Variants in ACYP2 observed in about 807,000 individuals in gnomAD.
The protein encoded by ACYP2 is acylphosphatase-2.
A neutral mutation model predicts 11.2 loss-of-function variants in ACYP2; 12 were observed. The ratio of observed to expected loss-of-function variants is 1.08; its 90% CI spans 0.69 to 1.74. ACYP2 has a LOEUF of 1.74. Ranked by LOEUF, ACYP2 falls within the 40% of genes most tolerant of loss-of-function variation. The pLI, the probability that ACYP2 is intolerant of heterozygous loss-of-function variation, is 0.00. For synonymous variants in ACYP2, 43 were observed against 32.2 expected (o/e 1.33, Z -1.13); for missense variants, 134 against 101.9 (o/e 1.31, Z -1.35).
intron 6 of ACYP2, among the ~76,000 whole-genome samples, chr2:54,192,311 G>C (rs1238558163): frequency 1.3e-5 from 2 of 152,074 alleles, no homozygotes; most frequent in Non-Finnish European, 2.9e-5. Flanking sequence ...GTAGAAGAGA[G>C]TTTTAAAATT....
chr2:53,973,334 A>G (rs76117152), intron 1 of ACYP2, among the ~76,000 whole-genome samples: 3,809 of 152,270 alleles, frequency 0.025, 154 homozygotes, highest in African/African-American at 0.088. Context: ...CCGGAAAGAG[A>G]TGAGTGTCAG....
In ACYP2 at chr2:54,027,837, C is replaced by CTTTCTT. The variant is rs772573473; in HGVS notation, c.63-23118_63-23117insCTTTTT. On this transcript the variant is annotated intron_variant, in intron 2 of 6. Coordinates refer to ENST00000607452, the MANE Select transcript of ACYP2 (RefSeq NM_001320586.2). Reference sequence around the variant, plus strand: ...AGTCATCATGTTTCTTTCTTTCTTTCTTTTTTTTTTTTTTTTTTTTGAGAC... The same window carrying CTTTCTT: ...AGTCATCATGTTTCTTTCTTTCTTTCTTTCTTTTTTTTTTTTTTTTTTTTTTGAGAC... 6.8e-3 allele frequency among the ~76,000 whole-genome samples: 663 copies of CTTTCTT among 97,960 alleles called. 16 individuals are homozygous for CTTTCTT. The highest frequency in any genetic ancestry group is 0.026 in the African/African-American group (625 of 24,166). The allele number at this position is 97,960 out of a possible 152,430, so 64.3% of individuals were successfully genotyped here.
intron 4 of ACYP2, among the ~76,000 whole-genome samples, chr2:54,067,570 G>T (rs1676810669): frequency 6.6e-6 from 1 of 152,186 alleles, no homozygotes; most frequent in South Asian, 2.1e-4. Context: ...ATTGTTATCT[G>T]CTAGGGAAAA....
At chr2:54,198,036 T>TGTATTGTATTGTATTG in intron 6 of ACYP2, among the ~76,000 whole-genome samples, 2 of 144,042 alleles carry the variant, frequency 1.4e-5, no homozygotes, top group East Asian at 4.0e-4. Flanking sequence ...TGTATTGTAT[T>TGTATTGTATTGTATTG]TTAAGACAGT....
At chr2:54,216,285 G>A (rs1685556298) in intron 6 of ACYP2, among the ~76,000 whole-genome samples, 1 of 152,076 alleles carries the variant, frequency 6.6e-6, no homozygotes, top group African/African-American at 2.4e-5. Flanking sequence ...ATATGCTTCA[G>A]TTGATGTCTG....
intron 6 of ACYP2, among the ~76,000 whole-genome samples, chr2:54,185,764 A>G (rs1053759902): frequency 1.3e-5 from 2 of 152,194 alleles, no homozygotes; most frequent in African/African-American, 4.8e-5. Flanking sequence ...TATGCAGATT[A>G]AAGGATTAAA....
At chr2:54,115,433 C>T in intron 4 of ACYP2, 182 bp from the exon 1 acceptor site, 1 of 763,818 alleles carries the variant, frequency 1.3e-6, no homozygotes, top group Non-Finnish European at 2.0e-6. Flanking sequence ...GTGGAGACAG[C>T]ATCCTCCCCA....
chr2:54,267,373 G>T, intron 6 of ACYP2: 1 of 1,540,640 alleles, frequency 6.5e-7, no homozygotes, highest in Non-Finnish European at 8.7e-7. Context: ...CAGGTGAGAG[G>T]TTTCTACTTT....
intron 2 of ACYP2, among the ~76,000 whole-genome samples, chr2:54,010,566 C>T (rs1235678747): frequency 1.3e-5 from 2 of 151,428 alleles, no homozygotes; most frequent in Non-Finnish European, 2.9e-5. Flanking sequence ...TTTCATGTGT[C>T]CCATAAATAT....
At chr2:54,087,925 G>A (rs1410707826) in intron 4 of ACYP2, among the ~76,000 whole-genome samples, 1 of 152,234 alleles carries the variant, frequency 6.6e-6, no homozygotes, top group Non-Finnish European at 1.5e-5. Context: ...AAGTGGCAGG[G>A]GAAGAAGAGC....
At chr2:54,235,357 G>C (rs1246999198) in intron 6 of ACYP2, among the ~76,000 whole-genome samples, 2 of 151,338 alleles carry the variant, frequency 1.3e-5, no homozygotes, top group Admixed American at 1.3e-4. Context: ...GTTCTGTTTT[G>C]TTTTGTTTTG....
intron 6 of ACYP2, among the ~76,000 whole-genome samples, chr2:54,173,294 C>T (rs1490680229): frequency 6.6e-6 from 1 of 152,144 alleles, no homozygotes; most frequent in Non-Finnish European, 1.5e-5. Flanking sequence ...CTCTGATGAC[C>T]AGTGATGATG....
chr2:54,051,063 G>A (rs750001751), intron 3 of ACYP2: 40 of 505,990 alleles, frequency 7.9e-5, no homozygotes, highest in Middle Eastern at 5.1e-4. Flanking sequence ...GAGAACCACC[G>A]TCCTTGGTCA....
chr2:54,230,315 CA>C (rs1454723332), intron 6 of ACYP2, among the ~76,000 whole-genome samples: 6 of 152,148 alleles, frequency 3.9e-5, no homozygotes, highest in Non-Finnish European at 7.4e-5. Context: ...TTCCTCTGCA[CA>C]ATAAAAGTTG....
At chr2:53,988,972 C>T (rs2104516431) in intron 2 of ACYP2, among the ~76,000 whole-genome samples, 1 of 152,220 alleles carries the variant, frequency 6.6e-6, no homozygotes, top group East Asian at 1.9e-4. Flanking sequence ...TGGTCTTCAA[C>T]TCCTGACCTC....
At chr2:54,006,442 C>T (rs1037608892) in intron 2 of ACYP2, among the ~76,000 whole-genome samples, 2 of 152,064 alleles carry the variant, frequency 1.3e-5, no homozygotes, top group Non-Finnish European at 2.9e-5. Flanking sequence ...CCACCGCGCC[C>T]GGCCTCTAGT....
At chr2:54,065,848 A>T (rs1360622268) in intron 4 of ACYP2, 4 of 226,918 alleles carry the variant, frequency 1.8e-5, no homozygotes, top group African/African-American at 9.0e-5. Flanking sequence ...CCTAAAGTCC[A>T]CTATCATCAG....
At chr2:54,075,524 A>AAG in intron 4 of ACYP2, among the ~76,000 whole-genome samples, 2 of 146,248 alleles carry the variant, frequency 1.4e-5, no homozygotes, top group Admixed American at 1.4e-4. Context: ...AGAAAGAAAA[A>AAG]AAAAAAGGGT....
At chr2:54,138,234 A>C (rs1681378851) in intron 5 of ACYP2, among the ~76,000 whole-genome samples, 1 of 152,132 alleles carries the variant, frequency 6.6e-6, no homozygotes, top group Non-Finnish European at 1.5e-5. Context: ...ATAATTGTAT[A>C]TGTTTTTTCT....
Sources: gnomAD v4.1 joint callset for allele counts (sites outside exome capture counted in the v4.1 genomes callset) on GRCh38, gnomAD v4.1.1 for gene constraint, MANE v1.5 for transcripts, NCBI Gene and HGNC (gene_info 2026-07-23, HGNC 2026-07-21) for gene names.